Variants in FANCA observed in about 807,000 individuals in gnomAD.
FANCA encodes the protein FA complementation group A.
Under a neutral mutation model 194.3 loss-of-function variants are expected in FANCA, and 236 were observed. The observed-to-expected ratio is 1.21, with a 90% CI of 1.09 to 1.35. FANCA has a LOEUF of 1.35. FANCA is among the 40% of genes most tolerant of loss of function. The pLI is 0.00. For missense variants in FANCA, 2,628 were observed against 1,813.9 expected (o/e 1.45, Z -8.15); for synonymous variants, 1,014 against 715.8 (o/e 1.42, Z -6.65).
At chr16:89,749,707 G>C (rs955378147) in intron 32 of FANCA, 23 bp downstream of exon 32, 1 of 1,607,644 alleles carries the variant, frequency 6.2e-7, no homozygotes, top group Non-Finnish European at 8.5e-7. Context: ...GTGCTGCCCT[G>C]CCCAGGTGGT....
At chr16:89,756,577 G>C (rs182572431) in intron 30 of FANCA, among the ~76,000 whole-genome samples, 1 of 152,258 alleles carries the variant, frequency 6.6e-6, no homozygotes, top group African/African-American at 2.4e-5. Flanking sequence ...GTGGGCTGCA[G>C]TCACTGTACC....
At chr16:89,787,142 T>C (rs2039924995) in intron 14 of FANCA, among the ~76,000 whole-genome samples, 1 of 152,202 alleles carries the variant, frequency 6.6e-6, no homozygotes, top group Non-Finnish European at 1.5e-5. Context: ...AAAATTACAC[T>C]TAATGGCTGG....
intron 28 of FANCA, among the ~76,000 whole-genome samples, chr16:89,763,787 G>C (rs573729148): frequency 2.0e-5 from 3 of 151,976 alleles, no homozygotes; most frequent in Non-Finnish European, 4.4e-5. Context: ...ACAAAACTTA[G>C]CCAGGCGTGG....
intron 9 of FANCA, 32 bp from the exon 10 acceptor site, chr16:89,799,264 G>A (rs1292540272): frequency 6.2e-7 from 1 of 1,612,768 alleles, no homozygotes; most frequent in Non-Finnish European, 8.5e-7. Context: ...GAAAACAGAT[G>A]TCAGCACACG....
chr16:89,767,035 CCT>C (rs1192610536), intron 27 of FANCA, 104 bp downstream of exon 27: 5 of 926,478 alleles, frequency 5.4e-6, no homozygotes, highest in African/African-American at 1.6e-5. Context: ...AGGAGCTGCC[CCT>C]GAGATGGGCA....
At chr16:89,816,069 G>C (rs975488182) in intron 1 of FANCA, 83 bp from the exon 2 acceptor site, 2 of 1,037,124 alleles carry the variant, frequency 1.9e-6, no homozygotes, top group Non-Finnish European at 3.0e-6. Flanking sequence ...GGACGCCGCG[G>C]AGAAACCCAC....
intron 31 of FANCA, among the ~76,000 whole-genome samples, chr16:89,750,529 C>T (rs1215603064): frequency 1.3e-5 from 2 of 151,618 alleles, no homozygotes; most frequent in African/African-American, 4.8e-5. Context: ...TGGCTCACGC[C>T]TGTAATCCCA....
intron 29 of FANCA, among the ~76,000 whole-genome samples, chr16:89,761,590 A>G (rs1325015923): frequency 6.6e-6 from 1 of 152,028 alleles, no homozygotes; most frequent in Non-Finnish European, 1.5e-5. Context: ...CATAGGCTTT[A>G]AGGCAATGTG....
intron 10 of FANCA, among the ~76,000 whole-genome samples, chr16:89,798,189 G>A (rs527818813): frequency 6.6e-6 from 1 of 152,204 alleles, no homozygotes; most frequent in African/African-American, 2.4e-5. Flanking sequence ...AGAAAAAGTA[G>A]GTCTCCTGCA....
chr16:89,754,962 G>A (rs1332815991), intron 30 of FANCA, among the ~76,000 whole-genome samples: 1 of 152,116 alleles, frequency 6.6e-6, no homozygotes, highest in Admixed American at 6.6e-5. Context: ...GAAGAACCAA[G>A]TTGGAGGCCT....
In FANCA at chr16:89,803,322, A is replaced by C. The variant is rs776642676; in HGVS notation, c.729T>G (p.Val243=). 1.2e-6 allele frequency: 2 copies of C among 1,614,032 alleles called. No homozygotes were observed. Among genetic ancestry groups the C allele is most frequent in the African/African-American group, 2.7e-5 (2 of 74,940 alleles). ...CTGAGTTTTTCTGAAATCCCCTCAA[A>C]ACAAACATTTGAACAAAATCTGAAA... ...AMLSDFVQMF[V]LRGFQKNSDL... Residue 243 remains valine, a synonymous_variant, in exon 8 of 43, where the codon GTT becomes GTG. Coordinates refer to ENST00000389301, the MANE Select transcript of FANCA (RefSeq NM_000135.4).
intron 37 of FANCA, among the ~76,000 whole-genome samples, chr16:89,741,446 T>C (rs907845373): frequency 2.0e-5 from 3 of 152,244 alleles, no homozygotes; most frequent in Admixed American, 2.0e-4. Flanking sequence ...GTAAGTTGTG[T>C]GCTGACATGG....
intron 31 of FANCA, among the ~76,000 whole-genome samples, chr16:89,751,538 G>A (rs1232467680): frequency 3.3e-5 from 5 of 152,178 alleles, no homozygotes; most frequent in Admixed American, 1.3e-4. Context: ...GAAGGAGCCA[G>A]GTGGGTCTAG....
intron 20 of FANCA, among the ~76,000 whole-genome samples, chr16:89,776,420 G>T (rs1378753501): frequency 6.6e-6 from 1 of 151,446 alleles, no homozygotes; most frequent in Non-Finnish European, 1.5e-5. Flanking sequence ...ACCTGCCTCA[G>T]CCTCCCAAAG....
intron 30 of FANCA, among the ~76,000 whole-genome samples, chr16:89,754,988 T>C (rs1398079634): frequency 6.6e-6 from 1 of 152,128 alleles, no homozygotes; most frequent in Non-Finnish European, 1.5e-5. Context: ...TTCCCAATTT[T>C]AAAACCTACT....
intron 42 of FANCA, 31 bp downstream of exon 42, chr16:89,738,845 TCCCCCA>T: frequency 6.2e-7 from 1 of 1,614,094 alleles, no homozygotes; most frequent in Non-Finnish European, 8.5e-7. Flanking sequence ...AATTCTCATG[TCCCCCA>T]CATGGCCCAA....
intron 3 of FANCA, among the ~76,000 whole-genome samples, chr16:89,813,836 G>A (rs1003272858): frequency 8.7e-5 from 13 of 150,210 alleles, no homozygotes; most frequent in African/African-American, 2.2e-4. Flanking sequence ...GTGTGTGTCC[G>A]TGTGCACGTG....
intron 14 of FANCA, among the ~76,000 whole-genome samples, chr16:89,788,486 A>G (rs2039966535): frequency 6.6e-6 from 1 of 151,922 alleles, no homozygotes; most frequent in African/African-American, 2.4e-5. Context: ...CTGAATATGC[A>G]TATATACATT....
intron 25 of FANCA, 39 bp downstream of exon 25, chr16:89,770,127 T>C (rs2143335103): frequency 1.3e-6 from 2 of 1,567,430 alleles, no homozygotes; most frequent in Non-Finnish European, 1.7e-6. Flanking sequence ...GCCCTCAGAG[T>C]GGGCCCCCAA....
Sources: gnomAD v4.1 joint callset for allele counts (sites outside exome capture counted in the v4.1 genomes callset) on GRCh38, gnomAD v4.1.1 for gene constraint, MANE v1.5 for transcripts, NCBI Gene and HGNC (gene_info 2026-07-23, HGNC 2026-07-21) for gene names.